The following FARS2 variants were observed in gnomAD, a reference collection of about 807,000 sequenced individuals.
The protein encoded by FARS2 is phenylalanine--tRNA ligase, mitochondrial.
Under a neutral mutation model 46.4 loss-of-function variants are expected in FARS2, and 40 were observed. The observed-to-expected ratio is 0.86, with a 90% CI of 0.67 to 1.12. The LOEUF is 1.12. Among genes scored for constraint, FARS2 ranks in the 50% most tolerant of loss-of-function variants. FARS2 has a pLI of 0.00. For missense variants in FARS2, 513 were observed against 567.9 expected, an observed-to-expected ratio of 0.90 and a Z score of 0.98; for synonymous variants, 234 against 214.9, an observed-to-expected ratio of 1.09 and a Z score of -0.78.
chr6:5,546,314 G>A (rs1338932940), intron 5 of FARS2, among the ~76,000 whole-genome samples: 1 of 144,594 alleles, frequency 6.9e-6, no homozygotes, highest in East Asian at 2.1e-4. Flanking sequence ...TGGAGTGCGC[G>A]ATCTTGGCTC....
rs1254450654 is a variant in FARS2, at chr6:5,478,141, C to T, written c.904+46969C>T. On this transcript the variant is annotated intron_variant, in intron 4 of 6. Transcript: ENST00000274680. ...ACGTGATGTCAGTATTAACCTGGCA[C>T]ACGAAGACACTCAGTCAATATGTGT... Among the ~76,000 whole-genome samples the T allele has an allele frequency of 2.0e-5, 3 of 152,108 alleles. No homozygotes were observed. The South Asian group carries it at 6.2e-4, about 32-fold the overall frequency.
chr6:5,440,073 T>A (rs1253130215), intron 4 of FARS2, among the ~76,000 whole-genome samples: 1 of 152,128 alleles, frequency 6.6e-6, no homozygotes, highest in Non-Finnish European at 1.5e-5. Context: ...GGTGAGACTT[T>A]TTTTCTGATA....
chr6:5,385,249 A>G (rs1165994991), intron 2 of FARS2, among the ~76,000 whole-genome samples: 1 of 152,216 alleles, frequency 6.6e-6, no homozygotes, highest in Non-Finnish European at 1.5e-5. Flanking sequence ...TGAGTTTGCT[A>G]TCCCTTTAAT....
chr6:5,574,040 A>G (rs1199346946), intron 5 of FARS2, among the ~76,000 whole-genome samples: 3 of 152,218 alleles, frequency 2.0e-5, no homozygotes, highest in African/African-American at 7.2e-5. Context: ...TCCAAGGAAC[A>G]CTTCAACGGC....
intron 1 of FARS2, among the ~76,000 whole-genome samples, chr6:5,307,883 A>G (rs1313028132): frequency 6.6e-6 from 1 of 152,094 alleles, no homozygotes; most frequent in Non-Finnish European, 1.5e-5. Flanking sequence ...GTTGGCGGAA[A>G]AGCACTTACT....
intron 4 of FARS2, among the ~76,000 whole-genome samples, chr6:5,474,379 G>C (rs1281475919): frequency 6.6e-6 from 1 of 152,214 alleles, no homozygotes; most frequent in Non-Finnish European, 1.5e-5. Flanking sequence ...GTGTGTTGTA[G>C]AGATAAGATA....
intron 3 of FARS2, 108 bp from the exon 4 acceptor site, chr6:5,430,933 T>A: frequency 9.2e-7 from 1 of 1,087,272 alleles, no homozygotes; most frequent in Non-Finnish European, 1.3e-6. Flanking sequence ...CTATTTATTT[T>A]ACTCAGAATG....
Position 5,771,286 on chromosome 6 carries a change from T to C in FARS2, c.1218-5T>C, listed in dbSNP as rs1014916887. ...CACTCACCTGTGTTCTCTTCCTCTCTGTAGGACGCACAAGACCAGCCACTG... is the reference window on the plus strand; with the variant it reads ...CACTCACCTGTGTTCTCTTCCTCTCCGTAGGACGCACAAGACCAGCCACTG... On this transcript the variant is annotated splice_polypyrimidine_tract_variant and splice_region_variant and intron_variant, in intron 6 of 6. Coordinates refer to ENST00000274680, the MANE Select transcript of FARS2 (RefSeq NM_006567.5). 2.5e-6 allele frequency: 4 copies of C among 1,614,078 alleles called. No individual in the cohort carries two copies. Among genetic ancestry groups the C allele is most frequent in the African/African-American group, 2.7e-5 (2 of 75,042 alleles).
chr6:5,303,517 G>A (rs1273194767), intron 1 of FARS2, among the ~76,000 whole-genome samples: 3 of 152,014 alleles, frequency 2.0e-5, no homozygotes, highest in Non-Finnish European at 4.4e-5. Flanking sequence ...GTGTCAGCTC[G>A]GGAGAGCCGC....
At chr6:5,719,323 A>C (rs1304636034) in intron 6 of FARS2, among the ~76,000 whole-genome samples, 1 of 150,142 alleles carries the variant, frequency 6.7e-6, no homozygotes, top group Non-Finnish European at 1.5e-5. Context: ...TCAAGGCTAC[A>C]GTGAGCTGTG....
intron 5 of FARS2, among the ~76,000 whole-genome samples, chr6:5,590,410 C>T (rs1773847501): frequency 6.6e-6 from 1 of 152,158 alleles, no homozygotes; most frequent in Non-Finnish European, 1.5e-5. Flanking sequence ...AGCCCTTCAG[C>T]TCTGGCACAG....
chr6:5,517,041 G>C (rs983142716), intron 4 of FARS2, among the ~76,000 whole-genome samples: 1 of 152,156 alleles, frequency 6.6e-6, no homozygotes, highest in Non-Finnish European at 1.5e-5. Flanking sequence ...GCCCTGGGAG[G>C]TACTGTGGTG....
chr6:5,370,850 T>C (rs1172363037), intron 2 of FARS2, among the ~76,000 whole-genome samples: 1 of 152,236 alleles, frequency 6.6e-6, no homozygotes, highest in Non-Finnish European at 1.5e-5. Context: ...CTATATATTC[T>C]GCGTATAGTT....
intron 6 of FARS2, among the ~76,000 whole-genome samples, chr6:5,741,031 G>GTTA (rs1761299226): frequency 2.0e-5 from 3 of 152,134 alleles, no homozygotes; most frequent in Non-Finnish European, 1.5e-5. Context: ...CACAGACTGC[G>GTTA]GCAGGGTCCC....
intron 4 of FARS2, among the ~76,000 whole-genome samples, chr6:5,461,976 T>C (rs773702064): frequency 1.3e-5 from 2 of 152,198 alleles, no homozygotes; most frequent in Non-Finnish European, 2.9e-5. Flanking sequence ...AAGCTTATGA[T>C]TGACTTTTAA....
At chr6:5,252,302 T>C in the FARS2 span, among the ~76,000 whole-genome samples, 4 of 152,280 alleles carry the variant, frequency 2.6e-5, no homozygotes, top group African/African-American at 9.6e-5. Flanking sequence ...GGCCTTCTAA[T>C]CCCATTCTGC....
At chr6:5,623,892 G>T (rs1214814825) in intron 6 of FARS2, among the ~76,000 whole-genome samples, 4 of 152,156 alleles carry the variant, frequency 2.6e-5, no homozygotes, top group African/African-American at 9.7e-5. Flanking sequence ...TCTGGACAGA[G>T]CCAAATAAGT....
At chr6:5,533,793 G>A (rs752578676) in intron 4 of FARS2, among the ~76,000 whole-genome samples, 5 of 152,196 alleles carry the variant, frequency 3.3e-5, no homozygotes, top group Non-Finnish European at 7.3e-5. Context: ...ATGGAAGACC[G>A]TTACCCCGGA....
intron 6 of FARS2, among the ~76,000 whole-genome samples, chr6:5,658,837 C>A (rs1320969611): frequency 6.6e-6 from 1 of 152,170 alleles, no homozygotes; most frequent in Non-Finnish European, 1.5e-5. Flanking sequence ...GCTTAATATC[C>A]TTTCCACAGA....
Sources: gnomAD v4.1 joint callset for allele counts (sites outside exome capture counted in the v4.1 genomes callset) on GRCh38, gnomAD v4.1.1 for gene constraint, MANE v1.5 for transcripts, NCBI Gene and HGNC (gene_info 2026-07-23, HGNC 2026-07-21) for gene names.